Variants in CNTNAP2 observed in about 807,000 individuals in gnomAD.
CNTNAP2 encodes the protein contactin-associated protein-like 2.
A neutral mutation model predicts 155.2 loss-of-function variants in CNTNAP2; 98 were observed. That is an observed-to-expected ratio of 0.63 (90% confidence interval 0.54 to 0.75). The LOEUF (loss-of-function observed/expected upper bound fraction) is 0.75, where lower values mean the gene tolerates loss of function less well. CNTNAP2 is among the 30% of genes least tolerant of loss of function. The pLI, the probability that CNTNAP2 is intolerant of heterozygous loss-of-function variation, is 0.00. For synonymous variants in CNTNAP2, 651 were observed against 631.2 expected, an observed-to-expected ratio of 1.03 and a Z score of -0.47; for missense variants, 1,727 against 1,688.1, an observed-to-expected ratio of 1.02 and a Z score of -0.40.
chr7:147,823,311 C>T (rs1798390755), intron 13 of CNTNAP2, among the ~76,000 whole-genome samples: 1 of 152,118 alleles, frequency 6.6e-6, no homozygotes, highest in African/African-American at 2.4e-5. Flanking sequence ...AATGACCGAC[C>T]CAGTTGAATG....
chr7:147,706,447 T>A (rs1796318271), intron 13 of CNTNAP2, among the ~76,000 whole-genome samples: 1 of 152,086 alleles, frequency 6.6e-6, no homozygotes, highest in South Asian at 2.1e-4. Flanking sequence ...ACTTTCAATA[T>A]ATCATCTCAT....
intron 13 of CNTNAP2, among the ~76,000 whole-genome samples, chr7:147,645,875 G>A (rs182464226): frequency 1.4e-4 from 22 of 152,184 alleles, no homozygotes; most frequent in Non-Finnish European, 2.8e-4. Flanking sequence ...AGTGAGAGGC[G>A]TCAGAATGGC....
At chr7:146,587,351 C>A (rs55813545) in intron 1 of CNTNAP2, among the ~76,000 whole-genome samples, 2 of 152,214 alleles carry the variant, frequency 1.3e-5, no homozygotes, top group African/African-American at 4.8e-5. Context: ...TCTCCGATAT[C>A]TTTTATCAAC....
At chr7:147,624,167 T>G (rs1481245505) in intron 12 of CNTNAP2, among the ~76,000 whole-genome samples, 1 of 151,980 alleles carries the variant, frequency 6.6e-6, no homozygotes, top group African/African-American at 2.4e-5. Flanking sequence ...AAGAAAACAC[T>G]GGGGAAACTC....
rs767320384 is a variant in CNTNAP2, at chr7:148,052,791, T to C, written c.2384-65327T>C. ...GGCCAGGCACAGTGGCTCACGCCTA[T>C]AACCCAGCACTTTGAGAGGCCAAGG... On this transcript the variant is annotated intron_variant, in intron 15 of 23. Coordinates refer to ENST00000361727, the MANE Select transcript of CNTNAP2 (RefSeq NM_014141.6). 5.9e-5 allele frequency among the ~76,000 whole-genome samples: 9 copies of C among 152,242 alleles called. No individual in the cohort carries two copies. In the South Asian group the frequency reaches 1.7e-3, roughly 28 times the overall value.
chr7:146,190,902 C>T (rs1798693672), intron 1 of CNTNAP2, among the ~76,000 whole-genome samples: 1 of 152,082 alleles, frequency 6.6e-6, no homozygotes, highest in Admixed American at 6.6e-5. Context: ...AAAGCATTTT[C>T]TAAAATTTAG....
At chr7:147,320,579 C>G (rs1231737252) in intron 9 of CNTNAP2, among the ~76,000 whole-genome samples, 1 of 152,172 alleles carries the variant, frequency 6.6e-6, no homozygotes, top group Non-Finnish European at 1.5e-5. Flanking sequence ...ATGTACAGAA[C>G]TCTACGTCAG....
intron 19 of CNTNAP2, among the ~76,000 whole-genome samples, chr7:148,225,057 T>C (rs1795821748): frequency 6.6e-6 from 1 of 152,238 alleles, no homozygotes; most frequent in Admixed American, 6.5e-5. Flanking sequence ...CAGTCATTTA[T>C]TCAACAAATA....
chr7:147,440,932 C>G (rs981294343), intron 10 of CNTNAP2, among the ~76,000 whole-genome samples: 1 of 152,012 alleles, frequency 6.6e-6, no homozygotes, highest in African/African-American at 2.4e-5. Flanking sequence ...TATTAAAAGC[C>G]TTGAAGTAGT....
At chr7:147,608,730 G>C (rs1801122229) in intron 12 of CNTNAP2, among the ~76,000 whole-genome samples, 4 of 152,232 alleles carry the variant, frequency 2.6e-5, no homozygotes, top group Admixed American at 1.3e-4. Context: ...TCTGTGTGAA[G>C]AGACCACCAA....
intron 13 of CNTNAP2, among the ~76,000 whole-genome samples, chr7:147,679,243 A>T (rs1254434404): frequency 6.6e-6 from 1 of 151,942 alleles, no homozygotes; most frequent in Non-Finnish European, 1.5e-5. Flanking sequence ...TTAAGAAAAT[A>T]AATGTTTTTA....
chr7:146,281,864 C>G (rs999983705), intron 1 of CNTNAP2, among the ~76,000 whole-genome samples: 5 of 151,638 alleles, frequency 3.3e-5, no homozygotes, highest in Non-Finnish European at 7.4e-5. Context: ...TCATAGGATT[C>G]TAGTGAGGAT....
intron 3 of CNTNAP2, among the ~76,000 whole-genome samples, chr7:146,885,249 A>G (rs980047332): frequency 3.3e-5 from 5 of 152,226 alleles, no homozygotes; most frequent in Non-Finnish European, 5.9e-5. Flanking sequence ...TGATTCCAAT[A>G]AAATAAAAAA....
At chr7:147,745,780 C>T (rs1450365774) in intron 13 of CNTNAP2, among the ~76,000 whole-genome samples, 2 of 152,184 alleles carry the variant, frequency 1.3e-5, no homozygotes, top group East Asian at 3.8e-4. Context: ...AGGTCAGGGG[C>T]ATGCAATGAA....
At chr7:147,680,934 A>G (rs148188112) in intron 13 of CNTNAP2, among the ~76,000 whole-genome samples, 154 of 152,054 alleles carry the variant, frequency 1.0e-3, no homozygotes, top group African/African-American at 3.4e-3. Context: ...CTGGAGTGCA[A>G]TTAATGCAAA....
At chr7:147,524,253 G>C (rs1215136969) in intron 11 of CNTNAP2, among the ~76,000 whole-genome samples, 2 of 152,168 alleles carry the variant, frequency 1.3e-5, no homozygotes, top group African/African-American at 4.8e-5. Flanking sequence ...AGCCGGGCAT[G>C]GTGGTGCCTG....
chr7:148,141,357 A>T (rs994110244), intron 16 of CNTNAP2, among the ~76,000 whole-genome samples: 1 of 152,268 alleles, frequency 6.6e-6, no homozygotes, highest in African/African-American at 2.4e-5. Context: ...TTAAACAGAC[A>T]TAACTAATGT....
intron 15 of CNTNAP2, among the ~76,000 whole-genome samples, chr7:147,989,727 T>C (rs977329054): frequency 2.0e-5 from 3 of 152,214 alleles, no homozygotes; most frequent in South Asian, 4.1e-4. Flanking sequence ...CCAGGGACAA[T>C]GTCCTTCCAC....
intron 1 of CNTNAP2, among the ~76,000 whole-genome samples, chr7:146,768,610 T>C (rs1453846202): frequency 6.6e-6 from 1 of 151,918 alleles, no homozygotes; most frequent in Non-Finnish European, 1.5e-5. Flanking sequence ...AGAAGTTGAA[T>C]GTACACGTAA....
Sources: allele counts gnomAD v4.1 joint callset (sites outside exome capture counted in the v4.1 genomes callset), GRCh38; gene constraint gnomAD v4.1.1; transcripts MANE v1.5; gene names NCBI Gene and HGNC (gene_info 2026-07-23, HGNC 2026-07-21).